CLDN12: variants seen among roughly 807,000 people sequenced by gnomAD.
CLDN12 encodes claudin-12.
In CLDN12, 9 loss-of-function variants were observed where a neutral mutation model predicts 15.5. The observed-to-expected ratio is 0.58, with a 90% confidence interval of 0.35 to 1.02. CLDN12 has a LOEUF of 1.02. CLDN12 is among the 50% of genes least tolerant of loss of function. CLDN12 has a pLI of 0.02. For missense variants in CLDN12, 233 were observed against 297.3 expected (o/e 0.78, Z 1.59); for synonymous variants, 140 against 121.6 (o/e 1.15, Z -1.00).
intron 2 of CLDN12, among the ~76,000 whole-genome samples, chr7:90,407,861 T>TG (rs1353253691): frequency 6.6e-6 from 1 of 152,136 alleles, no homozygotes; most frequent in African/African-American, 2.4e-5. Flanking sequence ...GTGGAAAATT[T>TG]GGGAAGTCAA....
chr7:90,409,405 A>G (rs17869210), intron 2 of CLDN12, among the ~76,000 whole-genome samples: 4,326 of 152,176 alleles, frequency 0.028, 80 homozygotes, highest in African/African-American at 0.045. Context: ...TATTTTTAGT[A>G]GAGATGGGGT....
intron 2 of CLDN12, among the ~76,000 whole-genome samples, chr7:90,408,061 T>C (rs1306623405): frequency 2.0e-5 from 3 of 152,156 alleles, no homozygotes; most frequent in Middle Eastern, 3.2e-3. Flanking sequence ...AGGTTTGCAT[T>C]TGAAAAAAAT....
chr7:90,405,177 C>G (rs1472892817), intron 1 of CLDN12, among the ~76,000 whole-genome samples: 2 of 152,188 alleles, frequency 1.3e-5, no homozygotes, highest in African/African-American at 4.8e-5. Flanking sequence ...GTTCTTGTGC[C>G]TTAACCTCCC....
rs1797034880 is a variant in CLDN12, at chr7:90,414,400, T to C, written c.*989T>C. 2.2e-5 allele frequency: 22 copies of C among 1,000,082 alleles called. No individual in the cohort carries two copies. Among genetic ancestry groups the C allele is most frequent in the Non-Finnish European group, 2.4e-5 (20 of 829,940 alleles). 62.0% of individuals were successfully genotyped at this position (1,000,082 alleles called of 1,614,324 possible). On this transcript the variant is annotated 3_prime_UTR_variant, in exon 4 of 4. Transcript: ENST00000496677. ...ACCCTTGATTCATTTCTCGCCCCCG[T>C]CACTGATTATTTCCTTGAGCATATA...
At position 90,405,539 on chromosome 7, in the gene CLDN12, G is replaced by T. The variant is rs954322006; in HGVS notation, c.-146G>T. ...TTTAGGCTCAGATTATTGCTACTCT[G>T]TATTCAGATCTTCATGTGTCTCTTC... On this transcript the variant is annotated 5_prime_UTR_variant, in exon 2 of 4. Transcript: ENST00000496677. 6.6e-6 allele frequency: 1 copy of T among 152,112 alleles called. No individual in the cohort carries two copies. The highest frequency in any genetic ancestry group is 1.5e-5 in the Non-Finnish European group (1 of 68,018). The allele number at this position is 152,112 out of a possible 1,614,324, so 9.4% of individuals were successfully genotyped here. A position where few individuals can be genotyped will look rare whatever the true frequency, so the allele number is the denominator to read the frequency against.
intron 2 of CLDN12, among the ~76,000 whole-genome samples, chr7:90,410,937 C>T (rs745833196): frequency 6.6e-6 from 1 of 151,646 alleles, no homozygotes; most frequent in African/African-American, 2.4e-5. Context: ...GTCAAGGCTG[C>T]AGTGAGCCAT....
chr7:90,414,424 T>A lies in CLDN12; in HGVS notation c.*1013T>A, dbSNP rs1057210209. On this transcript the variant is annotated 3_prime_UTR_variant, in exon 4 of 4. Transcript: ENST00000496677. ...GTCACTGATTATTTCCTTGAGCATATATCTCTGCCTAACACTTTAGTAGGT... is the reference window on the plus strand; with the variant it reads ...GTCACTGATTATTTCCTTGAGCATAAATCTCTGCCTAACACTTTAGTAGGT... 2.0e-6 allele frequency: 2 copies of A among 996,518 alleles called. No individual in the cohort carries two copies. The highest frequency in any genetic ancestry group is 2.4e-6 in the Non-Finnish European group (2 of 826,604). The allele number at this position is 996,518 out of a possible 1,614,324, so 61.7% of individuals were successfully genotyped here.
At chr7:90,405,908 T>A (rs1212172584) in intron 2 of CLDN12, 2 of 152,288 alleles carry the variant, frequency 1.3e-5, no homozygotes, top group Non-Finnish European at 2.9e-5. Context: ...GAGACCATCC[T>A]GGGCAACATA....
chr7:90,404,772 C>G (rs184691497), intron 1 of CLDN12, among the ~76,000 whole-genome samples: 1 of 152,150 alleles, frequency 6.6e-6, no homozygotes, highest in Non-Finnish European at 1.5e-5. Context: ...ATCCTCATTT[C>G]TCCTATATTC....
At chr7:90,409,102 T>C (rs1353267003) in intron 2 of CLDN12, 2 of 152,174 alleles carry the variant, frequency 1.3e-5, no homozygotes, top group Non-Finnish European at 2.9e-5. Context: ...CTGATCTTGT[T>C]TCTCACTCCA....
intron 1 of CLDN12, among the ~76,000 whole-genome samples, chr7:90,405,248 A>G (rs752356091): frequency 6.6e-6 from 1 of 151,886 alleles, no homozygotes; most frequent in Non-Finnish European, 1.5e-5. Flanking sequence ...TTTTTAGGAG[A>G]GATGGGGTTT....
chr7:90,410,921 TG>T (rs1230953676), intron 2 of CLDN12, among the ~76,000 whole-genome samples: 4 of 151,892 alleles, frequency 2.6e-5, no homozygotes, highest in Middle Eastern at 3.2e-3. Context: ...CGCTTGAGCC[TG>T]GAAGGTCAAG....
intron 2 of CLDN12, among the ~76,000 whole-genome samples, chr7:90,411,316 C>G (rs985985710): frequency 6.6e-6 from 1 of 152,182 alleles, no homozygotes; most frequent in Non-Finnish European, 1.5e-5. Flanking sequence ...GTAGTCTGCT[C>G]TATTGCCTCA....
rs1198251095 is a variant in CLDN12 at position 90,413,306 on chromosome 7, G to A, written c.630G>A (p.Leu210=). 10 of 1,613,954 alleles carry A rather than the reference G, an allele frequency of 6.2e-6. No individual in the cohort carries two copies. The Admixed American group carries it at 1.7e-4, about 27-fold the overall frequency. The stretch of plus-strand genomic sequence containing the variant: ...TGCCTTCTCCTTTCTGGCAACCATT[G>A]TACTCCCATCCACCCAGTATGCATA... ...KSLPSPFWQP[L]YSHPPSMHTY... Residue 210 remains leucine, a synonymous_variant, in exon 4 of 4, where the codon TTG becomes TTA. Transcript: ENST00000496677.
At chr7:90,409,037 C>A (rs544707315) in intron 2 of CLDN12, 1 of 152,234 alleles carries the variant, frequency 6.6e-6, no homozygotes, top group Admixed American at 6.5e-5. Flanking sequence ...GCTGGAATTA[C>A]AGGCATGAGC....
Position 90,408,112 on chromosome 7 carries a change from G to A in CLDN12, c.-77+2504G>A, listed in dbSNP as rs568844133. ...CTAATTGACACAGCACAAGAGTAGA[G>A]GTCTTTTTACCCTTGCAAGTATGAA... On this transcript the variant is annotated intron_variant, in intron 2 of 3. Coordinates refer to ENST00000496677, the MANE Select transcript of CLDN12 (RefSeq NM_001185072.3). Among the ~76,000 whole-genome samples, 7 of 152,276 alleles carry A rather than the reference G, an allele frequency of 4.6e-5. No individual in the cohort carries two copies. The East Asian group carries it at 1.4e-3, about 29-fold the overall frequency.
In CLDN12 at chr7:90,407,740, C is replaced by A. The variant is rs17863093; in HGVS notation, c.-77+2132C>A. On this transcript the variant is annotated intron_variant, in intron 2 of 3. Transcript: ENST00000496677. Reference sequence around the variant, plus strand: ...GGACAGGGGGAGGTTTAGGACAAGCCTCCCTGGACACTAGAAGAATGAGTA... The same window carrying A: ...GGACAGGGGGAGGTTTAGGACAAGCATCCCTGGACACTAGAAGAATGAGTA... Among the ~76,000 whole-genome samples, 595 of 152,266 alleles carry A rather than the reference C, an allele frequency of 3.9e-3. 4 individuals carry two copies. Among genetic ancestry groups the A allele is most frequent in the Non-Finnish European group, 6.0e-3 (408 of 68,026 alleles).
intron 2 of CLDN12, among the ~76,000 whole-genome samples, chr7:90,406,714 T>A (rs1414023971): frequency 1.3e-5 from 2 of 152,160 alleles, no homozygotes; most frequent in Non-Finnish European, 2.9e-5. Context: ...GTTATGAATG[T>A]TATTCAGGTC....
rs1266722145 is a variant in CLDN12, at chr7:90,415,804, A to G, written c.*2393A>G. On this transcript the variant is annotated 3_prime_UTR_variant, in exon 4 of 4. Transcript: ENST00000496677. ...AATGTGGATGTATCAGATTTGGTTT[A>G]TCCAGCCATGGGAGAGAAAACAAAC... 2 of 167,116 alleles carry G rather than the reference A, an allele frequency of 1.2e-5. No homozygotes were observed. Among genetic ancestry groups the G allele is most frequent in the African/African-American group, 4.8e-5 (2 of 41,464 alleles). The allele number at this position is 167,116 out of a possible 1,614,324, so 10.4% of individuals were successfully genotyped here. A position where few individuals can be genotyped will look rare whatever the true frequency, so the allele number is the denominator to read the frequency against.
Sources: gnomAD v4.1 joint callset for allele counts (sites outside exome capture counted in the v4.1 genomes callset) on GRCh38, gnomAD v4.1.1 for gene constraint, MANE v1.5 for transcripts, NCBI Gene and HGNC (gene_info 2026-07-23, HGNC 2026-07-21) for gene names.